The following NRXN3 variants were observed in gnomAD, a reference collection of about 807,000 sequenced individuals.
NRXN3 encodes the protein neurexin 3.
Under a neutral mutation model 137.6 loss-of-function variants are expected in NRXN3, and 32 were observed. The observed-to-expected ratio is 0.23, with a 90% CI of 0.18 to 0.31. NRXN3 has a LOEUF of 0.31. Ranked by LOEUF, NRXN3 falls within the 10% of genes least tolerant of loss-of-function variation. The probability of loss-of-function intolerance (pLI) is 1.00; values close to 1 mark genes in which losing one functional copy is unlikely to be tolerated. For missense variants in NRXN3, 1,574 were observed against 2,062.5 expected, an observed-to-expected ratio of 0.76 and a Z score of 4.59; for synonymous variants, 798 against 784.5, an observed-to-expected ratio of 1.02 and a Z score of -0.29.
chr14:79,015,770 G>T (rs373316606), intron 15 of NRXN3, among the ~76,000 whole-genome samples: 2 of 152,182 alleles, frequency 1.3e-5, no homozygotes, highest in Non-Finnish European at 2.9e-5. Context: ...GCTTAAGCAC[G>T]TTTAAACACA....
At chr14:78,336,171 G>T (rs1193577008) in intron 4 of NRXN3, among the ~76,000 whole-genome samples, 3 of 152,136 alleles carry the variant, frequency 2.0e-5, no homozygotes, top group Non-Finnish European at 2.9e-5. Flanking sequence ...ATTTGTTTTT[G>T]GGTGTAAGTG....
chr14:78,946,662 C>T (rs1471061019), intron 10 of NRXN3, among the ~76,000 whole-genome samples: 1 of 152,106 alleles, frequency 6.6e-6, no homozygotes, highest in Non-Finnish European at 1.5e-5. Flanking sequence ...TAATGAGGAA[C>T]TCAGGGTGCA....
Position 78,333,008 on chromosome 14 carries a change from T to C in NRXN3, c.757+35148T>C, listed in dbSNP as rs149416656. ...TACTGTGCCAGTGGTTTGTGTGCAATGAGATCGTGCATAGCTTCATTAGTG... is the reference window on the plus strand; with the variant it reads ...TACTGTGCCAGTGGTTTGTGTGCAACGAGATCGTGCATAGCTTCATTAGTG... On this transcript the variant is annotated intron_variant, in intron 4 of 20. Coordinates refer to ENST00000335750, the MANE Select transcript of NRXN3 (RefSeq NM_001330195.2). 2.4e-3 allele frequency among the ~76,000 whole-genome samples: 363 copies of C among 152,344 alleles called. 2 individuals are homozygous for C. The highest frequency in any genetic ancestry group is 8.6e-3 in the African/African-American group (356 of 41,584).
At chr14:78,233,272 G>A (rs567899128) in intron 1 of NRXN3, among the ~76,000 whole-genome samples, 1 of 152,150 alleles carries the variant, frequency 6.6e-6, no homozygotes, top group South Asian at 2.1e-4. Context: ...CCATATGGTT[G>A]CTTGGCCAAT....
chr14:78,319,649 G>A lies in NRXN3; in HGVS notation c.757+21789G>A, dbSNP rs575075007. 5.9e-5 allele frequency among the ~76,000 whole-genome samples: 9 copies of A among 152,284 alleles called. No homozygotes were observed. The South Asian group carries it at 1.5e-3, about 25-fold the overall frequency. On this transcript the variant is annotated intron_variant, in intron 4 of 20. Coordinates refer to ENST00000335750, the MANE Select transcript of NRXN3 (RefSeq NM_001330195.2). ...GGCTTGGGTGACTCCCAACAGCGAT[G>A]ACAATATACATTCTCAGTAACCTGG...
chr14:79,638,769 A>T (rs1466820661), intron 16 of NRXN3, among the ~76,000 whole-genome samples: 1 of 152,218 alleles, frequency 6.6e-6, no homozygotes, highest in Non-Finnish European at 1.5e-5. Context: ...TGGGGAACAG[A>T]CTTTGAGCAC....
chr14:79,240,026 T>C (rs2074023694), intron 15 of NRXN3, among the ~76,000 whole-genome samples: 2 of 152,202 alleles, frequency 1.3e-5, no homozygotes, highest in South Asian at 4.2e-4. Context: ...AATGGAGAGA[T>C]GTTGGTCAAA....
At chr14:79,413,000 G>A (rs2095441406) in intron 15 of NRXN3, among the ~76,000 whole-genome samples, 1 of 152,116 alleles carries the variant, frequency 6.6e-6, no homozygotes, top group Admixed American at 6.6e-5. Flanking sequence ...TGATTACTTT[G>A]TGAGTCATCA....
chr14:79,279,349 C>A, intron 15 of NRXN3: 1 of 985,816 alleles, frequency 1.0e-6, no homozygotes, highest in African/African-American at 1.7e-5. Flanking sequence ...ATATGACTTG[C>A]CCATTTGTGA....
At chr14:78,346,335 ACCTGGGGCC>A (rs2082726131) in intron 4 of NRXN3, among the ~76,000 whole-genome samples, 1 of 149,120 alleles carries the variant, frequency 6.7e-6, no homozygotes, top group African/African-American at 2.6e-5. Flanking sequence ...CCCCACTCTT[ACCTGGGGCC>A]TGGTCTCCTC....
At chr14:79,538,810 G>C (rs2097241951) in intron 16 of NRXN3, among the ~76,000 whole-genome samples, 1 of 152,142 alleles carries the variant, frequency 6.6e-6, no homozygotes, top group Non-Finnish European at 1.5e-5. Flanking sequence ...GGGAATTCCT[G>C]AAGGACAGTG....
At chr14:78,492,627 A>G (rs577549973) in intron 4 of NRXN3, among the ~76,000 whole-genome samples, 1 of 152,164 alleles carries the variant, frequency 6.6e-6, no homozygotes, top group South Asian at 2.1e-4. Flanking sequence ...GTACCCCACA[A>G]CCCCAGTATA....
intron 15 of NRXN3, among the ~76,000 whole-genome samples, chr14:79,378,535 G>A (rs768831045): frequency 2.0e-4 from 31 of 152,264 alleles, no homozygotes; most frequent in Admixed American, 5.9e-4. Flanking sequence ...TAGAAGAGTC[G>A]GAAGTACAGA....
At position 79,837,907 on chromosome 14, in the gene NRXN3, G is replaced by T. The variant is rs188187947; in HGVS notation, c.4094-23435G>T. Among the ~76,000 whole-genome samples, 4 of 152,122 alleles carry T rather than the reference G, an allele frequency of 2.6e-5. No individual in the cohort carries two copies. The East Asian group carries it at 5.8e-4, about 22-fold the overall frequency. On this transcript the variant is annotated intron_variant, in intron 20 of 20. Transcript: ENST00000335750. ...TTAGCCAGTTCCACAGGGCATATTGGGAAATACCTTTTATTTTCAATATTT... is the reference window on the plus strand; with the variant it reads ...TTAGCCAGTTCCACAGGGCATATTGTGAAATACCTTTTATTTTCAATATTT...
At chr14:79,727,874 C>G (rs1172269481) in intron 19 of NRXN3, among the ~76,000 whole-genome samples, 1 of 152,174 alleles carries the variant, frequency 6.6e-6, no homozygotes, top group East Asian at 1.9e-4. Flanking sequence ...TTCTCAGTCT[C>G]TAGATTGAGA....
At chr14:79,365,254 C>A (rs957998557) in intron 15 of NRXN3, among the ~76,000 whole-genome samples, 1 of 151,850 alleles carries the variant, frequency 6.6e-6, no homozygotes, top group Non-Finnish European at 1.5e-5. Flanking sequence ...CACTGCAGAC[C>A]GAGAGCAGAA....
chr14:78,744,064 T>C (rs1247117491), intron 8 of NRXN3, among the ~76,000 whole-genome samples: 2 of 152,198 alleles, frequency 1.3e-5, no homozygotes, highest in Non-Finnish European at 2.9e-5. Context: ...AAGTAACAGA[T>C]ACTCCAGAAG....
At chr14:79,705,513 T>C (rs556490681) in intron 19 of NRXN3, among the ~76,000 whole-genome samples, 2 of 152,298 alleles carry the variant, frequency 1.3e-5, no homozygotes, top group South Asian at 4.1e-4. Flanking sequence ...TGCATTAATA[T>C]TGATTTTAAA....
intron 4 of NRXN3, among the ~76,000 whole-genome samples, chr14:78,565,877 A>G (rs1279453804): frequency 6.6e-6 from 1 of 152,230 alleles, no homozygotes; most frequent in Non-Finnish European, 1.5e-5. Context: ...TAGCCTAGCA[A>G]TCACATCTGA....
Sources: gnomAD v4.1 joint callset for allele counts (sites outside exome capture counted in the v4.1 genomes callset) on GRCh38, gnomAD v4.1.1 for gene constraint, MANE v1.5 for transcripts, NCBI Gene and HGNC (gene_info 2026-07-23, HGNC 2026-07-21) for gene names.